Variants in MRPS27 observed in about 807,000 individuals in gnomAD.
MRPS27 encodes the protein mitochondrial ribosomal protein S27.
Under a neutral mutation model 48.9 loss-of-function variants are expected in MRPS27, and 43 were observed. The ratio of observed to expected loss-of-function variants is 0.88; its 90% CI spans 0.69 to 1.13. The LOEUF is 1.13. MRPS27 is among the 50% of genes most tolerant of loss of function. The pLI is 0.00. For synonymous variants in MRPS27, 188 were observed against 171.9 expected (o/e 1.09, Z -0.73); for missense variants, 467 against 476.3 (o/e 0.98, Z 0.18).
At chr5:72,233,835 T>C (rs1390431438) in intron 6 of MRPS27, among the ~76,000 whole-genome samples, 1 of 152,202 alleles carries the variant, frequency 6.6e-6, no homozygotes, top group Non-Finnish European at 1.5e-5. Flanking sequence ...ATCCTTTATT[T>C]ATATTCTGCA....
intron 2 of MRPS27, among the ~76,000 whole-genome samples, chr5:72,312,088 C>T (rs1481721738): frequency 3.9e-5 from 6 of 152,128 alleles, no homozygotes; most frequent in African/African-American, 7.2e-5. Flanking sequence ...GCCGAGATGA[C>T]GCCACTGCAT....
intron 4 of MRPS27, among the ~76,000 whole-genome samples, chr5:72,293,443 T>C (rs1460213190): frequency 6.6e-6 from 1 of 152,188 alleles, no homozygotes; most frequent in Non-Finnish European, 1.5e-5. Context: ...TGGCTCAGAT[T>C]TATGATGGAC....
In MRPS27 at chr5:72,232,571, G is replaced by C; in HGVS notation, c.476-13C>G. ...ACAGATAAAGCATCTAGCAGAAGAT[G>C]AAAGTAAAAAAGAGAGGAAATTAGT... On this transcript the variant is annotated splice_polypyrimidine_tract_variant and intron_variant, in intron 6 of 10. Coordinates refer to ENST00000261413, the MANE Select transcript of MRPS27 (RefSeq NM_015084.3). 4 of 1,572,068 alleles carry C rather than the reference G, an allele frequency of 2.5e-6. No individual in the cohort carries two copies. The highest frequency in any genetic ancestry group is 3.5e-6 in the Non-Finnish European group (4 of 1,146,118).
chr5:72,234,346 C>A, intron 5 of MRPS27, 149 bp from the exon 6 acceptor site: 1 of 732,360 alleles, frequency 1.4e-6, no homozygotes, highest in Non-Finnish European at 1.9e-6. Context: ...GACAGTGAAA[C>A]AGAAGCCATG....
chr5:72,265,487 A>AT (rs1248277206), intron 4 of MRPS27, among the ~76,000 whole-genome samples: 1 of 152,220 alleles, frequency 6.6e-6, no homozygotes, highest in Non-Finnish European at 1.5e-5. Flanking sequence ...TAAATGTAGG[A>AT]TTTACATTAG....
At chr5:72,284,521 A>C (rs1000693313) in intron 4 of MRPS27, among the ~76,000 whole-genome samples, 2 of 152,046 alleles carry the variant, frequency 1.3e-5, no homozygotes, top group African/African-American at 4.8e-5. Flanking sequence ...AAGGGAAGGG[A>C]AGAAATGAAA....
At chr5:72,284,937 T>C in intron 4 of MRPS27, among the ~76,000 whole-genome samples, 1 of 152,208 alleles carries the variant, frequency 6.6e-6, no homozygotes, top group East Asian at 1.9e-4. Flanking sequence ...GCAATGGACA[T>C]TTTTGGCATG....
intron 4 of MRPS27, among the ~76,000 whole-genome samples, chr5:72,283,136 T>A (rs1361917718): frequency 2.0e-5 from 3 of 152,080 alleles, no homozygotes; most frequent in Admixed American, 6.6e-5. Flanking sequence ...TCCAGAGAGT[T>A]CACTAACTAG....
intron 4 of MRPS27, among the ~76,000 whole-genome samples, chr5:72,287,428 T>C (rs1749701140): frequency 6.6e-6 from 1 of 152,148 alleles, no homozygotes; most frequent in Non-Finnish European, 1.5e-5. Context: ...TCACCTGAGG[T>C]CAGGAGTTCA....
rs1462593417 is a variant in MRPS27, at chr5:72,220,203, G to C, written c.*706C>G. On this transcript the variant is annotated 3_prime_UTR_variant, in exon 11 of 11. Coordinates refer to ENST00000261413, the MANE Select transcript of MRPS27 (RefSeq NM_015084.3). ...GTTCACCTTGGCCTCATGTACCTGGGCTGGGGAGAGGGAGACCATTCAAAA... is the reference window on the plus strand; with the variant it reads ...GTTCACCTTGGCCTCATGTACCTGGCCTGGGGAGAGGGAGACCATTCAAAA... 6.5e-6 allele frequency: 1 copy of C among 153,004 alleles called. No homozygotes were observed. Among genetic ancestry groups the C allele is most frequent in the African/African-American group, 2.4e-5 (1 of 41,458 alleles). 9.5% of individuals were successfully genotyped at this position (153,004 alleles called of 1,614,324 possible).
chr5:72,279,709 T>C (rs1267494375), intron 4 of MRPS27, among the ~76,000 whole-genome samples: 1 of 152,076 alleles, frequency 6.6e-6, no homozygotes, highest in African/African-American at 2.4e-5. Context: ...AAAACAATTA[T>C]CACTTAGTAA....
chr5:72,220,868 G>A lies in MRPS27; in HGVS notation c.*41C>T, dbSNP rs1747720342. On this transcript the variant is annotated 3_prime_UTR_variant, in exon 11 of 11. Coordinates refer to ENST00000261413, the MANE Select transcript of MRPS27 (RefSeq NM_015084.3). Reference sequence around the variant, plus strand: ...CTGCTGAGTCCTGGCACGGGGTTGAGTGAAGTTCTTGTGAGACAGGTGGGG... The same window carrying A: ...CTGCTGAGTCCTGGCACGGGGTTGAATGAAGTTCTTGTGAGACAGGTGGGG... 2 of 1,610,818 alleles carry A rather than the reference G, an allele frequency of 1.2e-6. No individual in the cohort carries two copies. The highest frequency in any genetic ancestry group is 2.2e-5 in the South Asian group (2 of 90,490).
intron 6 of MRPS27, among the ~76,000 whole-genome samples, chr5:72,233,332 C>T (rs1748111626): frequency 6.6e-6 from 1 of 152,106 alleles, no homozygotes; most frequent in Admixed American, 6.6e-5. Context: ...TGATATTCTA[C>T]AACATAGATG....
chr5:72,255,910 C>G (rs1580074705), intron 4 of MRPS27, among the ~76,000 whole-genome samples: 2 of 152,192 alleles, frequency 1.3e-5, no homozygotes, highest in Non-Finnish European at 2.9e-5. Flanking sequence ...ACGACCCAAG[C>G]AAGGAATCAA....
chr5:72,257,731 T>C (rs948819414), intron 4 of MRPS27, among the ~76,000 whole-genome samples: 1 of 152,162 alleles, frequency 6.6e-6, no homozygotes, highest in Non-Finnish European at 1.5e-5. Flanking sequence ...TCAGTTGAGA[T>C]GGGATTATGT....
chr5:72,257,637 T>G (rs536415455), intron 4 of MRPS27, among the ~76,000 whole-genome samples: 1 of 152,352 alleles, frequency 6.6e-6, no homozygotes, highest in South Asian at 2.1e-4. Context: ...CCAAATGTAC[T>G]AGTATTTTAC....
intron 2 of MRPS27, among the ~76,000 whole-genome samples, chr5:72,307,453 T>C (rs1750303488): frequency 6.6e-6 from 1 of 152,198 alleles, no homozygotes; most frequent in Admixed American, 6.5e-5. Context: ...GTGATAATGG[T>C]ATTGAAAAGC....
intron 4 of MRPS27, among the ~76,000 whole-genome samples, chr5:72,253,360 A>G (rs1748718184): frequency 6.6e-6 from 1 of 152,228 alleles, no homozygotes; most frequent in Non-Finnish European, 1.5e-5. Context: ...ACACTTCCAC[A>G]GGCAGTTTGA....
intron 5 of MRPS27, among the ~76,000 whole-genome samples, chr5:72,234,472 T>TA (rs1007298827): frequency 1.3e-5 from 2 of 150,842 alleles, no homozygotes; most frequent in South Asian, 2.1e-4. Context: ...CATCATAGCT[T>TA]AAAAAAAACA....
Sources: allele counts gnomAD v4.1 joint callset (sites outside exome capture counted in the v4.1 genomes callset), GRCh38; gene constraint gnomAD v4.1.1; transcripts MANE v1.5; gene names NCBI Gene and HGNC (gene_info 2026-07-23, HGNC 2026-07-21).